The following GOLM2 variants were observed in gnomAD, a reference collection of about 807,000 sequenced individuals.
The protein encoded by GOLM2 is golgi membrane protein 2.
Under a neutral mutation model 55.9 loss-of-function variants are expected in GOLM2, and 26 were observed. The ratio of observed to expected loss-of-function variants is 0.47; its 90% confidence interval spans 0.34 to 0.65. The LOEUF (loss-of-function observed/expected upper bound fraction) is 0.65, where lower values mean the gene tolerates loss of function less well. GOLM2 is among the 30% of genes least tolerant of loss of function. GOLM2 has a pLI of 0.01. For synonymous variants in GOLM2, 165 were observed against 194.6 expected (o/e 0.85, Z 1.27); for missense variants, 486 against 531.8 (o/e 0.91, Z 0.85).
At chr15:44,328,982 A>G (rs1460803658) in intron 3 of GOLM2, among the ~76,000 whole-genome samples, 195 bp downstream of exon 3, 3 of 152,188 alleles carry the variant, frequency 2.0e-5, no homozygotes, top group Non-Finnish European at 4.4e-5. Context: ...GATAAATTAA[A>G]CAGCATGAAG....
chr15:44,392,110 A>G (rs1443889187), intron 8 of GOLM2, among the ~76,000 whole-genome samples: 3 of 151,690 alleles, frequency 2.0e-5, no homozygotes, highest in African/African-American at 7.3e-5. Flanking sequence ...TTGGCCTCCC[A>G]AAGTGCTGGG....
At chr15:44,318,467 G>C (rs915869475) in intron 1 of GOLM2, among the ~76,000 whole-genome samples, 1 of 152,374 alleles carries the variant, frequency 6.6e-6, no homozygotes, top group South Asian at 2.1e-4. Flanking sequence ...CCAGCACTTT[G>C]GGAGGCCGAG....
chr15:44,301,975 G>A (rs1009378914), intron 1 of GOLM2, among the ~76,000 whole-genome samples: 3 of 151,072 alleles, frequency 2.0e-5, no homozygotes, highest in African/African-American at 7.3e-5. Context: ...CTGGGCAACA[G>A]AGTGAGATCC....
chr15:44,314,671 T>C (rs1021100236), intron 1 of GOLM2, among the ~76,000 whole-genome samples: 2 of 152,184 alleles, frequency 1.3e-5, no homozygotes, highest in East Asian at 3.8e-4. Context: ...GTGATTGGAA[T>C]GTTGACTGCA....
chr15:44,327,353 G>C (rs1054267479), intron 2 of GOLM2, among the ~76,000 whole-genome samples: 1 of 150,452 alleles, frequency 6.6e-6, no homozygotes, highest in Non-Finnish European at 1.5e-5. Context: ...TCAGGAGTTC[G>C]AGACCAGCCT....
intron 1 of GOLM2, among the ~76,000 whole-genome samples, chr15:44,298,683 A>G (rs1227604340): frequency 6.6e-6 from 1 of 152,112 alleles, no homozygotes; most frequent in East Asian, 1.9e-4. Flanking sequence ...CGTTTTCTCA[A>G]CGAAATTTTA....
intron 1 of GOLM2, among the ~76,000 whole-genome samples, chr15:44,306,511 T>G (rs904002022): frequency 1.3e-5 from 2 of 152,226 alleles, no homozygotes; most frequent in African/African-American, 4.8e-5. Context: ...CTGTTTTGCC[T>G]TCTCGTTATT....
intron 8 of GOLM2, among the ~76,000 whole-genome samples, chr15:44,386,661 A>G (rs1567041351): frequency 3.3e-5 from 5 of 152,210 alleles, no homozygotes; most frequent in Non-Finnish European, 1.5e-5. Flanking sequence ...ACATGAGGCC[A>G]GGAGTTCAAG....
intron 6 of GOLM2, among the ~76,000 whole-genome samples, chr15:44,365,871 C>T (rs1449126803): frequency 6.6e-6 from 1 of 152,132 alleles, no homozygotes; most frequent in Non-Finnish European, 1.5e-5. Context: ...GTAAGTTCAT[C>T]AGTTTTAACA....
Position 44,289,192 on chromosome 15 carries a change from C to A in GOLM2, c.163C>A (p.Arg55Ser). ...GGCCGAGCTGCAGGGCCAGGTCCAG[C>A]GCACCGAAGTGGCCCGCGGGCGGCT... is the stretch of plus-strand genomic sequence containing the variant. ...EVAELQGQVQRTEVARGRLEK... is the reference protein window; with the variant it reads ...EVAELQGQVQSTEVARGRLEK... The change falls in exon 1 of 10, where the codon CGC (arginine) becomes AGC (serine). Residue 55 changes from arginine (R) to serine (S), a missense_variant. By Grantham distance (110) the Arg-to-Ser change is moderately radical. Coordinates refer to ENST00000299957, the MANE Select transcript of GOLM2 (RefSeq NM_138423.4). The surrounding 1 kb of genome is among the most constrained non-coding windows in gnomAD (Gnocchi z 4.8). 2 of 1,614,198 alleles carry A rather than the reference C, an allele frequency of 1.2e-6. No homozygotes were observed. Among genetic ancestry groups the A allele is most frequent in the Non-Finnish European group, 1.7e-6 (2 of 1,180,032 alleles).
intron 1 of GOLM2, among the ~76,000 whole-genome samples, chr15:44,315,006 G>C (rs1173005247): frequency 1.3e-5 from 2 of 152,188 alleles, no homozygotes; most frequent in Non-Finnish European, 2.9e-5. Context: ...AGCTGGTATA[G>C]GTGTTAACCA....
At chr15:44,292,938 C>A (rs931280190) in intron 1 of GOLM2, among the ~76,000 whole-genome samples, 1 of 152,110 alleles carries the variant, frequency 6.6e-6, no homozygotes, top group Admixed American at 6.6e-5. Flanking sequence ...CCTCGGCCTC[C>A]CAAGTAGCTG....
intron 9 of GOLM2, among the ~76,000 whole-genome samples, chr15:44,408,937 T>A (rs2079615947): frequency 6.6e-6 from 1 of 151,544 alleles, no homozygotes; most frequent in African/African-American, 2.4e-5. Context: ...CACTCCAGCC[T>A]GGGCAACAGA....
At chr15:44,326,348 CATTG>C (rs2078980787) in intron 2 of GOLM2, among the ~76,000 whole-genome samples, 1 of 150,488 alleles carries the variant, frequency 6.6e-6, no homozygotes, top group African/African-American at 2.4e-5. Context: ...TTATATGAAT[CATTG>C]ATTTTTTCAT....
intron 2 of GOLM2, among the ~76,000 whole-genome samples, chr15:44,326,925 T>A (rs1355573520): frequency 6.6e-6 from 1 of 151,392 alleles, no homozygotes; most frequent in East Asian, 1.9e-4. Flanking sequence ...GTGCTGGTAT[T>A]ACAGGTGTGA....
chr15:44,402,764 T>G, intron 8 of GOLM2, 123 bp from the exon 9 acceptor site: 2 of 777,214 alleles, frequency 2.6e-6, no homozygotes, highest in Non-Finnish European at 4.1e-6. Context: ...AAATGTATCC[T>G]TTTATATCCA....
At chr15:44,360,952 T>A (rs1315851442) in intron 6 of GOLM2, among the ~76,000 whole-genome samples, 1 of 151,796 alleles carries the variant, frequency 6.6e-6, no homozygotes, top group Non-Finnish European at 1.5e-5. Flanking sequence ...CCTGAATGAC[T>A]ACTGGGTACA....
At chr15:44,336,884 C>G (rs978069571) in intron 4 of GOLM2, among the ~76,000 whole-genome samples, 1 of 152,016 alleles carries the variant, frequency 6.6e-6, no homozygotes. Flanking sequence ...CCACTGCACT[C>G]CAGCCTGGGC....
chr15:44,330,462 G>C (rs913691241), intron 3 of GOLM2, among the ~76,000 whole-genome samples: 2 of 147,420 alleles, frequency 1.4e-5, no homozygotes, highest in South Asian at 4.3e-4. Context: ...GTAGTGAGCC[G>C]AGATCGCGCC....
Sources: gnomAD v4.1 joint callset for allele counts (sites outside exome capture counted in the v4.1 genomes callset) on GRCh38, gnomAD v4.1.1 for gene constraint, Gnocchi (gnomAD v3.1) non-coding constraint, MANE v1.5 for transcripts, NCBI Gene and HGNC (gene_info 2026-07-23, HGNC 2026-07-21) for gene names.